Variants in IFT122 observed in about 807,000 individuals in gnomAD.
IFT122 encodes the protein intraflagellar transport 122, also known as intraflagellar transport protein 122 homolog.
A neutral mutation model predicts 161.6 loss-of-function variants in IFT122; 118 were observed. The ratio of observed to expected loss-of-function variants is 0.73; its 90% CI spans 0.63 to 0.85. The LOEUF is 0.85. IFT122 is among the 40% of genes least tolerant of loss of function. IFT122 has a pLI of 0.00. For missense variants in IFT122, 1,381 were observed against 1,579.6 expected (o/e 0.87, Z 2.13); for synonymous variants, 550 against 602.4 (o/e 0.91, Z 1.27).
In IFT122 at chr3:129,479,787, G is replaced by T. The variant is rs748920979; in HGVS notation, c.1353G>T (p.Glu451Asp). The change falls in exon 13 of 30, where the codon GAG becomes GAT. Residue 451 changes from glutamate (E) to aspartate (D), a missense_variant and splice_region_variant. Coordinates refer to ENST00000348417, the MANE Select transcript of IFT122 (RefSeq NM_052989.3). Reference sequence around the variant, plus strand: ...GCAGAGCTGGGTTTGCTTCCTAGGAGAAACGGCTGCAGTGCCTGTCCTTCA... The same window carrying T: ...GCAGAGCTGGGTTTGCTTCCTAGGATAAACGGCTGCAGTGCCTGTCCTTCA... The part of the protein sequence containing the change: ...VCANHIILCQ[E>D]KRLQCLSFSG... The T allele has an allele frequency of 3.1e-6, 5 of 1,613,888 alleles. No individual in the cohort carries two copies. The Admixed American group carries it at 8.3e-5, about 27-fold the overall frequency.
intron 1 of IFT122, 122 bp from the exon 2 acceptor site, chr3:129,449,749 A>G: frequency 1.3e-6 from 1 of 763,118 alleles, no homozygotes; most frequent in Non-Finnish European, 2.4e-6. Context: ...ATTCGTAGTT[A>G]TTCTTTTTCT....
chr3:129,440,520 C>G lies in IFT122; in HGVS notation c.41+149C>G. 4.1e-6 allele frequency: 4 copies of G among 969,108 alleles called. No homozygotes were observed. In the South Asian group the frequency reaches 5.8e-5, roughly 14 times the overall value. 60.0% of individuals were successfully genotyped at this position (969,108 alleles called of 1,614,324 possible). A position where few individuals can be genotyped will look rare whatever the true frequency, so the allele number is the denominator to read the frequency against. On this transcript the variant is annotated intron_variant, in intron 1 of 29. Transcript: ENST00000348417. ...GCCTGGGAGACTGCAGGGTCGCCCT[C>G]CCGCCCCTTGGCGGTTGGAGAAACT...
chr3:129,515,120 A>G (rs189257061), intron 25 of IFT122: 82 of 410,962 alleles, frequency 2.0e-4, no homozygotes, highest in Middle Eastern at 1.5e-3. Flanking sequence ...CCTTTCCCAC[A>G]GGTAGTTGTG....
At chr3:129,488,539 C>G in intron 16 of IFT122, 142 bp downstream of exon 16, 1 of 1,044,388 alleles carries the variant, frequency 9.6e-7, no homozygotes, top group Non-Finnish European at 1.4e-6. Context: ...ATCTTAGCCA[C>G]TTCCTCACTG....
chr3:129,491,258 G>A (rs1344499108), intron 16 of IFT122, among the ~76,000 whole-genome samples: 8 of 152,208 alleles, frequency 5.3e-5, no homozygotes. Context: ...AAGTGGTCAG[G>A]ATTGCTCTGC....
chr3:129,515,111 C>G (rs996542081), intron 25 of IFT122: 8 of 406,580 alleles, frequency 2.0e-5, no homozygotes, highest in African/African-American at 1.4e-4. Flanking sequence ...TGGGTTCCCC[C>G]TTTCCCACAG....
intron 17 of IFT122, 118 bp downstream of exon 17, chr3:129,492,312 G>T (rs1425137785): frequency 1.2e-6 from 1 of 837,274 alleles, no homozygotes; most frequent in African/African-American, 1.7e-5. Flanking sequence ...ACTGGCGTCT[G>T]GGCATCTGGG....
rs59128281 is a variant in IFT122, at chr3:129,514,244, G to T, written c.2988-145G>T. On this transcript the variant is annotated intron_variant, in intron 24 of 29. Coordinates refer to ENST00000348417, the MANE Select transcript of IFT122 (RefSeq NM_052989.3). ...AGAAGTACACTCACCTCTCACAAGC[G>T]CACAGAGCCTTCCTCACGGTCTTTC... 0.011 allele frequency: 9,358 copies of T among 862,666 alleles called. 99 individuals are homozygous for T. The highest frequency in any genetic ancestry group is 0.031 in the South Asian group (2,155 of 69,882). The allele number at this position is 862,666 out of a possible 1,614,324, so 53.4% of individuals were successfully genotyped here. A position where few individuals can be genotyped will look rare whatever the true frequency, so the allele number is the denominator to read the frequency against.
intron 23 of IFT122, among the ~76,000 whole-genome samples, chr3:129,509,814 GT>G (rs1486886721): frequency 2.6e-5 from 4 of 152,200 alleles, no homozygotes; most frequent in Non-Finnish European, 4.4e-5. Context: ...TGTTGGTTTA[GT>G]GGGTAAACTC....
chr3:129,458,072 A>G (rs1362888521), intron 3 of IFT122: 1 of 159,282 alleles, frequency 6.3e-6, no homozygotes, highest in African/African-American at 2.4e-5. Flanking sequence ...CTATAAAAAA[A>G]TAAGTATCTG....
At chr3:129,494,213 T>TTG (rs199844809) in intron 17 of IFT122, among the ~76,000 whole-genome samples, 129 of 127,016 alleles carry the variant, frequency 1.0e-3, no homozygotes, top group Admixed American at 4.2e-3. Context: ...TGTTTGTTTG[T>TTG]TTGTTTTTTT....
At chr3:129,498,970 C>T (rs147179235) in intron 18 of IFT122, among the ~76,000 whole-genome samples, 4,004 of 152,324 alleles carry the variant, frequency 0.026, 160 homozygotes, top group African/African-American at 0.091. Flanking sequence ...GTTTCTCACA[C>T]ATTGTAGGGC....
intron 3 of IFT122, among the ~76,000 whole-genome samples, chr3:129,453,014 G>GCC (rs113605095): frequency 3.0e-4 from 45 of 151,710 alleles, no homozygotes; most frequent in Middle Eastern, 3.4e-3. Context: ...GGTTGGAGTT[G>GCC]CCCCCCCCAC....
chr3:129,441,528 C>T (rs556889655), intron 1 of IFT122, among the ~76,000 whole-genome samples: 15 of 152,248 alleles, frequency 9.9e-5, no homozygotes, highest in African/African-American at 3.4e-4. Flanking sequence ...AATTTGCCAG[C>T]GTCACACAGT....
At chr3:129,481,306 A>G (rs1412835058) in intron 13 of IFT122, 4 of 530,564 alleles carry the variant, frequency 7.5e-6, no homozygotes, top group Admixed American at 5.4e-5. Context: ...CAGGGCTGTC[A>G]TTACTTCTGC....
chr3:129,441,922 G>T (rs2073209466), intron 1 of IFT122, among the ~76,000 whole-genome samples: 1 of 152,248 alleles, frequency 6.6e-6, no homozygotes, highest in African/African-American at 2.4e-5. Flanking sequence ...ATAGAGTGTG[G>T]CAAACTGCAG....
chr3:129,503,067 T>G (rs1472339418), intron 20 of IFT122, among the ~76,000 whole-genome samples, 185 bp downstream of exon 20: 1 of 152,198 alleles, frequency 6.6e-6, no homozygotes, highest in East Asian at 1.9e-4. Context: ...GGAGGGCCTT[T>G]CCACTTGTCC....
At position 129,519,114 on chromosome 3, in the gene IFT122, G is replaced by T. The variant is rs1479867278; in HGVS notation, c.3399G>T (p.Gln1133His). 1 of 1,614,114 alleles carries T rather than the reference G, an allele frequency of 6.2e-7. No individual in the cohort carries two copies. Residue 1133 changes from glutamine to histidine, a missense_variant, in exon 28 of 30, where the codon CAG becomes CAT. By Grantham distance (24) the Gln-to-His change is conservative. Coordinates refer to ENST00000348417, the MANE Select transcript of IFT122 (RefSeq NM_052989.3). The part of the protein sequence containing the change: ...RQLEIANNSS[Q>H]ILRLVETKDS... ...TTGACCAGATCCCTCCAGGCTCCCA[G>T]ATTCTGCGGCTAGTGGAGACCAAGG...
At chr3:129,489,162 C>T (rs1312995961) in intron 16 of IFT122, among the ~76,000 whole-genome samples, 3 of 152,114 alleles carry the variant, frequency 2.0e-5, no homozygotes, top group Admixed American at 6.5e-5. Flanking sequence ...CCCGGGCTGA[C>T]ATTGAAGGAG....
Sources: gnomAD v4.1 joint callset for allele counts (sites outside exome capture counted in the v4.1 genomes callset) on GRCh38, gnomAD v4.1.1 for gene constraint, MANE v1.5 for transcripts, NCBI Gene and HGNC (gene_info 2026-07-23, HGNC 2026-07-21) for gene names.